Variants in PGM5 observed in about 807,000 individuals in gnomAD.
The protein encoded by PGM5 is phosphoglucomutase 5, also known as phosphoglucomutase-like protein 5.
Under a neutral mutation model 59.2 loss-of-function variants are expected in PGM5, and 23 were observed. That is an observed-to-expected ratio of 0.39 (90% CI 0.28 to 0.55). PGM5 has a LOEUF of 0.55. Ranked by LOEUF, PGM5 falls within the 20% of genes least tolerant of loss-of-function variation. The probability of loss-of-function intolerance (pLI) is 0.66; values close to 1 mark genes in which losing one functional copy is unlikely to be tolerated. For synonymous variants in PGM5, 214 were observed against 286.0 expected (o/e 0.75, Z 2.54); for missense variants, 574 against 748.3 (o/e 0.77, Z 2.72).
chr9:68,435,056 G>A (rs1823424051), intron 6 of PGM5, among the ~76,000 whole-genome samples: 1 of 152,162 alleles, frequency 6.6e-6, no homozygotes, highest in Admixed American at 6.5e-5. Flanking sequence ...TACTAGGAGT[G>A]CTGTTCTCAC....
chr9:68,430,080 A>AT (rs1823317435), intron 6 of PGM5, among the ~76,000 whole-genome samples: 1 of 152,204 alleles, frequency 6.6e-6, no homozygotes, highest in African/African-American at 2.4e-5. Context: ...CTGCTGTTGG[A>AT]TATATCATTT....
intron 6 of PGM5, chr9:68,405,688 CT>C (rs1179329819): frequency 2.0e-5 from 3 of 153,818 alleles, no homozygotes; most frequent in Non-Finnish European, 4.4e-5. Context: ...TTCCTTCCTT[CT>C]TTTCTTATCT....
chr9:68,520,632 G>A (rs143104613), intron 10 of PGM5, among the ~76,000 whole-genome samples: 11 of 152,218 alleles, frequency 7.2e-5, no homozygotes, highest in South Asian at 2.1e-4. Flanking sequence ...AACTGAATTC[G>A]AAAATGAAAA....
chr9:68,404,277 A>G (rs1402800784), intron 6 of PGM5, among the ~76,000 whole-genome samples: 1 of 151,992 alleles, frequency 6.6e-6, no homozygotes, highest in Non-Finnish European at 1.5e-5. Flanking sequence ...CAGGCATGTG[A>G]CACAATGCCT....
At chr9:68,424,071 CT>C (rs782532203) in intron 6 of PGM5, among the ~76,000 whole-genome samples, 2 of 152,192 alleles carry the variant, frequency 1.3e-5, no homozygotes, top group Non-Finnish European at 2.9e-5. Flanking sequence ...CTATGCATAT[CT>C]GCCCTCCGCA....
At chr9:68,371,773 G>T (rs1302916217) in intron 1 of PGM5, 2 of 152,204 alleles carry the variant, frequency 1.3e-5, no homozygotes, top group African/African-American at 2.4e-5. Context: ...GATCTTGAAA[G>T]CCATACCTTT....
At chr9:68,432,069 T>C (rs533787083) in intron 6 of PGM5, among the ~76,000 whole-genome samples, 5 of 152,046 alleles carry the variant, frequency 3.3e-5, no homozygotes, top group African/African-American at 1.2e-4. Flanking sequence ...TTGTGTTGTT[T>C]TTTGTTTTTA....
chr9:68,403,322 A>G (rs2778528), intron 6 of PGM5, among the ~76,000 whole-genome samples: 2 of 151,968 alleles, frequency 1.3e-5, no homozygotes, highest in African/African-American at 2.4e-5. Context: ...CAAGCTCAGG[A>G]CTCCCACTGA....
chr9:68,418,740 G>C (rs186352808), intron 6 of PGM5, among the ~76,000 whole-genome samples: 6 of 151,998 alleles, frequency 3.9e-5, no homozygotes, highest in African/African-American at 1.5e-4. Flanking sequence ...TGCGGCGGGG[G>C]TGGGAGATGA....
chr9:68,432,122 A>G (rs1190878925), intron 6 of PGM5, among the ~76,000 whole-genome samples: 1 of 152,078 alleles, frequency 6.6e-6, no homozygotes, highest in Non-Finnish European at 1.5e-5. Flanking sequence ...TAACAGTGGT[A>G]TGTGACTTTT....
At chr9:68,456,618 C>CTTTT (rs1256922534) in intron 6 of PGM5, among the ~76,000 whole-genome samples, 2 of 122,364 alleles carry the variant, frequency 1.6e-5, no homozygotes, top group South Asian at 2.7e-4. Context: ...GTGCCCTGTC[C>CTTTT]TTTTTTTTTT....
chr9:68,490,016 T>A (rs1554687785), intron 9 of PGM5, among the ~76,000 whole-genome samples: 1 of 152,248 alleles, frequency 6.6e-6, no homozygotes, highest in East Asian at 1.9e-4. Flanking sequence ...CTTTGAAGAC[T>A]GATTTTGAAG....
chr9:68,462,884 T>A (rs1238079140), intron 6 of PGM5, among the ~76,000 whole-genome samples: 2 of 152,148 alleles, frequency 1.3e-5, no homozygotes, highest in African/African-American at 4.8e-5. Flanking sequence ...TCCATAGCCT[T>A]CTGACCATGA....
chr9:68,372,889 C>T (rs770093834), intron 1 of PGM5, among the ~76,000 whole-genome samples: 7 of 152,072 alleles, frequency 4.6e-5, no homozygotes, highest in African/African-American at 1.4e-4. Context: ...AAACTCAGAG[C>T]GAGAACACAC....
intron 9 of PGM5, among the ~76,000 whole-genome samples, chr9:68,485,861 G>A (rs1438210462): frequency 6.6e-6 from 1 of 152,114 alleles, no homozygotes; most frequent in African/African-American, 2.4e-5. Context: ...GCAGGTCTGG[G>A]TTTAGCTCAA....
intron 4 of PGM5, among the ~76,000 whole-genome samples, chr9:68,389,105 C>A (rs1278857386): frequency 8.6e-5 from 13 of 151,968 alleles, no homozygotes; most frequent in African/African-American, 2.9e-4. Flanking sequence ...ATTTCCTTGA[C>A]TTTATCTTCC....
chr9:68,513,423 A>G, intron 10 of PGM5, among the ~76,000 whole-genome samples: 1 of 152,254 alleles, frequency 6.6e-6, no homozygotes, highest in East Asian at 1.9e-4. Context: ...GAAGAGCAGC[A>G]CTATGTCAGA....
intron 1 of PGM5, chr9:68,358,001 G>T (rs1482444008): frequency 6.4e-6 from 1 of 156,046 alleles, no homozygotes; most frequent in Non-Finnish European, 1.4e-5. Context: ...GGCCCTGAAG[G>T]TTTTTATTAT....
At chr9:68,516,626 T>G (rs1391242181) in intron 10 of PGM5, among the ~76,000 whole-genome samples, 1 of 152,198 alleles carries the variant, frequency 6.6e-6, no homozygotes, top group Non-Finnish European at 1.5e-5. Flanking sequence ...ATCTGGCCAC[T>G]GAGGTCCCTG....
Sources: gnomAD v4.1 joint callset for allele counts (sites outside exome capture counted in the v4.1 genomes callset) on GRCh38, gnomAD v4.1.1 for gene constraint, MANE v1.5 for transcripts, NCBI Gene and HGNC (gene_info 2026-07-23, HGNC 2026-07-21) for gene names.